Variants in LARS1 observed in about 807,000 individuals in gnomAD.
The protein encoded by LARS1 is leucine--tRNA ligase, cytoplasmic.
LARS1 carries 100 observed loss-of-function variants against 162.8 expected under a neutral mutation model. That is an observed-to-expected ratio of 0.61 (90% confidence interval 0.52 to 0.73). LARS1 has a LOEUF of 0.73. Among genes scored for constraint, LARS1 ranks in the 30% least tolerant of loss-of-function variants. The probability of loss-of-function intolerance (pLI) is 0.00; values close to 1 mark genes in which losing one functional copy is unlikely to be tolerated. For synonymous variants in LARS1, 457 were observed against 462.8 expected (o/e 0.99, Z 0.16); for missense variants, 1,258 against 1,408.9 (o/e 0.89, Z 1.71).
chr5:146,141,207 T>A (rs2126473232), intron 20 of LARS1, among the ~76,000 whole-genome samples: 1 of 152,332 alleles, frequency 6.6e-6, no homozygotes, highest in East Asian at 1.9e-4. Flanking sequence ...GTTTGCATAC[T>A]TGTACTATCT....
At chr5:146,176,735 C>T (rs1417090618) in intron 2 of LARS1, among the ~76,000 whole-genome samples, 1 of 151,984 alleles carries the variant, frequency 6.6e-6, no homozygotes, top group Non-Finnish European at 1.5e-5. Flanking sequence ...TCATGATCTA[C>T]GTTTGTCTTT....
rs917773678 is a variant in LARS1 at position 146,151,769 on chromosome 5, A to G, written c.1425+93T>C. ...AAGCTCTCAAATCAATGTATAGCTG[A>G]AACTATGTTAAATTTTTCTACATTT... On this transcript the variant is annotated intron_variant, in intron 14 of 31. Transcript: ENST00000394434. 1.1e-5 allele frequency: 13 copies of G among 1,172,302 alleles called. No homozygotes were observed. In the Admixed American group the frequency reaches 2.0e-4, roughly 18 times the overall value. The allele number at this position is 1,172,302 out of a possible 1,614,324, so 72.6% of individuals were successfully genotyped here. A position where few individuals can be genotyped will look rare whatever the true frequency, so the allele number is the denominator to read the frequency against.
intron 28 of LARS1, among the ~76,000 whole-genome samples, 182 bp from the exon 29 acceptor site, chr5:146,124,268 C>T (rs1204991610): frequency 6.6e-6 from 1 of 151,810 alleles, no homozygotes; most frequent in Non-Finnish European, 1.5e-5. Context: ...AATTTACTAG[C>T]TCCAAATAAT....
At chr5:146,119,625 C>G (rs1751724854) in intron 31 of LARS1, among the ~76,000 whole-genome samples, 1 of 152,160 alleles carries the variant, frequency 6.6e-6, no homozygotes, top group Non-Finnish European at 1.5e-5. Flanking sequence ...CCTTCACACT[C>G]TGCTCACCGT....
intron 30 of LARS1, among the ~76,000 whole-genome samples, chr5:146,122,143 G>A (rs1234378747): frequency 6.6e-6 from 1 of 151,892 alleles, no homozygotes; most frequent in Non-Finnish European, 1.5e-5. Context: ...ACTCATCTGA[G>A]GTTTAAAAGC....
At chr5:146,175,803 G>A (rs1251373321) in intron 2 of LARS1, among the ~76,000 whole-genome samples, 2 of 150,756 alleles carry the variant, frequency 1.3e-5, no homozygotes, top group African/African-American at 2.4e-5. Flanking sequence ...ACTCCAGCCT[G>A]GGTGACAGAG....
At chr5:146,143,626 C>T in intron 18 of LARS1, 76 bp from the exon 19 acceptor site, 1 of 1,321,556 alleles carries the variant, frequency 7.6e-7, no homozygotes, top group African/African-American at 1.5e-5. Context: ...AAGAAGGGGG[C>T]TATAACATTT....
At chr5:146,168,396 C>T in intron 4 of LARS1, 131 bp from the exon 5 acceptor site, 2 of 874,636 alleles carry the variant, frequency 2.3e-6, no homozygotes, top group Non-Finnish European at 3.4e-6. Context: ...TGTGGCTCCA[C>T]TACAGAAAAC....
At position 146,126,196 on chromosome 5, in the gene LARS1, A is replaced by G. The variant is rs3749994; in HGVS notation, c.2991+239T>C. Among the ~76,000 whole-genome samples the G allele has an allele frequency of 0.22, 33,821 of 152,006 alleles. 4,820 individuals carry two copies. The highest frequency in any genetic ancestry group is 0.34 in the Admixed American group (5,114 of 15,248). ...AGAAGGGAAGGTAGAATATGAAGGG[A>G]ATAGTTCAGTGCAGCCATTCTAAAC... On this transcript the variant is annotated intron_variant, in intron 28 of 31. Coordinates refer to ENST00000394434, the MANE Select transcript of LARS1 (RefSeq NM_020117.11).
At chr5:146,127,929 C>T (rs1158700796) in intron 27 of LARS1, among the ~76,000 whole-genome samples, 1 of 152,072 alleles carries the variant, frequency 6.6e-6, no homozygotes, top group East Asian at 1.9e-4. Context: ...TTTTCCTTTA[C>T]GTTTCTTCTT....
At chr5:146,178,029 C>T (rs1428061147) in intron 1 of LARS1, among the ~76,000 whole-genome samples, 3 of 151,206 alleles carry the variant, frequency 2.0e-5, no homozygotes, top group Admixed American at 1.3e-4. Context: ...ACCAGGGAGG[C>T]GGAGGCTGCA....
chr5:146,134,761 C>T (rs1752435193), intron 22 of LARS1, among the ~76,000 whole-genome samples: 1 of 152,116 alleles, frequency 6.6e-6, no homozygotes, highest in South Asian at 2.1e-4. Flanking sequence ...CCAGCCTGGC[C>T]AACAAGGCAA....
chr5:146,125,386 G>C (rs1752000713), intron 28 of LARS1, among the ~76,000 whole-genome samples: 1 of 151,920 alleles, frequency 6.6e-6, no homozygotes. Context: ...TAAGAGGTCT[G>C]GTCTCCATCA....
chr5:146,136,997 G>A (rs962957260), intron 21 of LARS1, among the ~76,000 whole-genome samples: 2 of 151,798 alleles, frequency 1.3e-5, no homozygotes, highest in Admixed American at 1.3e-4. Context: ...TGCCTCTCGG[G>A]TTCAAGCGAT....
rs780385847 is a variant in LARS1 at position 146,157,809 on chromosome 5, C to T, written c.772-14G>A. On this transcript the variant is annotated splice_polypyrimidine_tract_variant and intron_variant, in intron 8 of 31. Coordinates refer to ENST00000394434, the MANE Select transcript of LARS1 (RefSeq NM_020117.11). Reference sequence around the variant, plus strand: ...AGGTCCAACACCCTAAGCAAATAAACGATACAAAAATTTGAAGGAAAAAAA... The same window carrying T: ...AGGTCCAACACCCTAAGCAAATAAATGATACAAAAATTTGAAGGAAAAAAA... 9.9e-6 allele frequency: 16 copies of T among 1,612,534 alleles called. No homozygotes were observed. In the Admixed American group the frequency reaches 1.0e-4, roughly 10 times the overall value.
At chr5:146,131,955 C>A (rs541871117) in intron 23 of LARS1, 1 of 152,288 alleles carries the variant, frequency 6.6e-6, no homozygotes, top group South Asian at 2.1e-4. Flanking sequence ...AAATATCAGA[C>A]CCTTTCCATG....
Position 146,153,935 on chromosome 5 carries a change from C to T in LARS1, c.1111G>A (p.Val371Met), listed in dbSNP as rs1191511537. Reference sequence around the variant, plus strand: ...GTTAGCATTGGGAGAACATAGATCACCTTGTATGATGTTAAAGGTGCAGAA... The same window carrying T: ...GTTAGCATTGGGAGAACATAGATCATCTTGTATGATGTTAAAGGTGCAGAA... Reference protein sequence around the residue: ...SLSAPLTSYKVIYVLPMLTIK... With the variant: ...SLSAPLTSYKMIYVLPMLTIK... The change falls in exon 11 of 32, where the codon GTG becomes ATG. Residue 371 changes from valine (V) to methionine (M), a missense_variant. Physicochemically the swap from Val to Met is conservative, Grantham distance 21. Transcript: ENST00000394434. 6.2e-7 allele frequency: 1 copy of T among 1,612,046 alleles called. No homozygotes were observed. The highest frequency in any genetic ancestry group is 8.5e-7 in the Non-Finnish European group (1 of 1,179,412).
Position 146,182,628 on chromosome 5 carries a change from A to G in LARS1, c.-135T>C. The G allele has an allele frequency of 1.7e-6, 2 of 1,207,576 alleles. No individual in the cohort carries two copies. The highest frequency in any genetic ancestry group is 2.4e-6 in the Non-Finnish European group (2 of 821,200). The allele number at this position is 1,207,576 out of a possible 1,614,324, so 74.8% of individuals were successfully genotyped here. On this transcript the variant is annotated 5_prime_UTR_variant, in exon 1 of 32. Coordinates refer to ENST00000394434, the MANE Select transcript of LARS1 (RefSeq NM_020117.11). Reference sequence around the variant, plus strand: ...TAAAGCACACGCTTCACACCTGCTGAGGCAATCATCCGGCTCCTTACTAAC... The same window carrying G: ...TAAAGCACACGCTTCACACCTGCTGGGGCAATCATCCGGCTCCTTACTAAC...
intron 3 of LARS1, among the ~76,000 whole-genome samples, chr5:146,172,368 T>A (rs1209978392): frequency 6.6e-6 from 1 of 151,798 alleles, no homozygotes; most frequent in Non-Finnish European, 1.5e-5. Flanking sequence ...ATACAAAAAT[T>A]AGCTGGGCGT....
Sources: gnomAD v4.1 joint callset for allele counts (sites outside exome capture counted in the v4.1 genomes callset) on GRCh38, gnomAD v4.1.1 for gene constraint, MANE v1.5 for transcripts, NCBI Gene and HGNC (gene_info 2026-07-23, HGNC 2026-07-21) for gene names.